Variants in DNAH11 observed in about 807,000 individuals in gnomAD.
The protein encoded by DNAH11 is dynein axonemal heavy chain 11.
A neutral mutation model predicts 526.0 loss-of-function variants in DNAH11; 442 were observed. The observed-to-expected ratio is 0.84, with a 90% confidence interval of 0.78 to 0.91. The LOEUF (loss-of-function observed/expected upper bound fraction) is 0.91. Among genes scored for constraint, DNAH11 ranks in the 40% least tolerant of loss-of-function variants. The probability of loss-of-function intolerance (pLI) is 0.00; values close to 1 mark genes in which losing one functional copy is unlikely to be tolerated. For missense variants in DNAH11, 6,989 were observed against 5,448.7 expected (o/e 1.28, Z -8.90); for synonymous variants, 2,461 against 1,935.9 (o/e 1.27, Z -7.12).
chr7:21,888,857 A>G (rs954900987), intron 76 of DNAH11, among the ~76,000 whole-genome samples: 1 of 152,096 alleles, frequency 6.6e-6, no homozygotes, highest in Non-Finnish European at 1.5e-5. Context: ...GCATGATTCT[A>G]TCGATTCTTT....
At chr7:21,708,756 G>A (rs74441180) in intron 40 of DNAH11, among the ~76,000 whole-genome samples, 3,231 of 152,132 alleles carry the variant, frequency 0.021, 151 homozygotes, top group East Asian at 0.2. Context: ...TGTTCCTGCC[G>A]TCGGCAACAC....
chr7:21,770,499 C>A (rs948919503), intron 55 of DNAH11, among the ~76,000 whole-genome samples: 2 of 152,116 alleles, frequency 1.3e-5, no homozygotes, highest in Non-Finnish European at 1.5e-5. Context: ...GATGCTCAAC[C>A]AGTTCCTGCT....
intron 48 of DNAH11, among the ~76,000 whole-genome samples, chr7:21,740,454 T>TC (rs1405308281): frequency 6.6e-6 from 1 of 152,184 alleles, no homozygotes; most frequent in South Asian, 2.1e-4. Context: ...TTTAAGTACC[T>TC]CATATACGTG....
At chr7:21,755,011 A>C (rs905577491) in intron 54 of DNAH11, among the ~76,000 whole-genome samples, 3 of 152,326 alleles carry the variant, frequency 2.0e-5, no homozygotes, top group Non-Finnish European at 4.4e-5. Context: ...CATAAGTTCC[A>C]AACCAGGCAT....
At chr7:21,784,400 G>C (rs1583691487) in intron 57 of DNAH11, 27 bp from the exon 58 acceptor site, 2 of 1,538,980 alleles carry the variant, frequency 1.3e-6, no homozygotes, top group East Asian at 4.5e-5. Flanking sequence ...ATTTATACGG[G>C]TTTGTGTGCT....
At chr7:21,638,435 T>A (rs1320397352) in intron 27 of DNAH11, among the ~76,000 whole-genome samples, 1 of 152,284 alleles carries the variant, frequency 6.6e-6, no homozygotes, top group East Asian at 1.9e-4. Flanking sequence ...TCTGCTCTGC[T>A]AAGGGCAATA....
intron 20 of DNAH11, among the ~76,000 whole-genome samples, chr7:21,610,569 C>T (rs914810251): frequency 2.0e-5 from 3 of 151,902 alleles, no homozygotes; most frequent in African/African-American, 7.3e-5. Context: ...GATAGAGATG[C>T]ATGCAAAGTT....
intron 42 of DNAH11, among the ~76,000 whole-genome samples, chr7:21,715,648 C>G (rs1050638353): frequency 1.3e-5 from 2 of 152,090 alleles, no homozygotes; most frequent in African/African-American, 4.8e-5. Context: ...GAATTGCACA[C>G]AAATGCAGCT....
chr7:21,737,782 G>A (rs1466011562), intron 46 of DNAH11, among the ~76,000 whole-genome samples: 2 of 152,304 alleles, frequency 1.3e-5, no homozygotes, highest in African/African-American at 2.4e-5. Flanking sequence ...AAGGAAAGAG[G>A]TGAATTGCGA....
intron 66 of DNAH11, 32 bp downstream of exon 66, chr7:21,842,780 G>A: frequency 1.3e-6 from 2 of 1,547,176 alleles, no homozygotes; most frequent in Non-Finnish European, 1.8e-6. Flanking sequence ...CCAACACTTA[G>A]TCGGCATTTG....
intron 72 of DNAH11, 95 bp downstream of exon 72, chr7:21,868,102 T>A (rs1219519131): frequency 3.0e-6 from 3 of 1,000,046 alleles, no homozygotes; most frequent in Non-Finnish European, 3.8e-6. Flanking sequence ...TGATCTTAGT[T>A]TCTTTTTTTT....
At chr7:21,731,389 G>C (rs1217180406) in intron 45 of DNAH11, among the ~76,000 whole-genome samples, 2 of 151,950 alleles carry the variant, frequency 1.3e-5, no homozygotes. Context: ...TGTTGTTCCT[G>C]ACAACAACCA....
At chr7:21,814,920 G>C (rs533864710) in intron 63 of DNAH11, among the ~76,000 whole-genome samples, 25 of 152,004 alleles carry the variant, frequency 1.6e-4, no homozygotes, top group Non-Finnish European at 3.7e-4. Context: ...TGGTTATTTG[G>C]ACACAATACT....
intron 56 of DNAH11, among the ~76,000 whole-genome samples, chr7:21,775,442 C>A (rs984527085): frequency 7.9e-5 from 12 of 151,924 alleles, no homozygotes; most frequent in African/African-American, 2.7e-4. Flanking sequence ...CAAAATGAGA[C>A]CCAATCTCTA....
chr7:21,776,793 T>C (rs1541357), intron 56 of DNAH11, among the ~76,000 whole-genome samples: 111,743 of 152,112 alleles, frequency 0.73, 41,413 homozygotes, highest in East Asian at 0.84. Context: ...CAGAAGAAAT[T>C]ACAAAGCATA....
intron 44 of DNAH11, 117 bp from the exon 45 acceptor site, chr7:21,725,694 G>A (rs1785069229): frequency 1.0e-6 from 1 of 960,326 alleles, no homozygotes. Flanking sequence ...TGTGCTTGAT[G>A]GGTATATGGC....
intron 56 of DNAH11, among the ~76,000 whole-genome samples, chr7:21,774,264 G>A (rs906048553): frequency 4.6e-5 from 7 of 152,096 alleles, no homozygotes; most frequent in African/African-American, 1.7e-4. Context: ...CAGACACAGC[G>A]GATTGCCTCT....
intron 77 of DNAH11, 119 bp downstream of exon 77, chr7:21,892,786 C>T: frequency 2.6e-6 from 3 of 1,149,742 alleles, no homozygotes; most frequent in Non-Finnish European, 3.6e-6. Flanking sequence ...CATACAACCA[C>T]CACCTAGATC....
At chr7:21,645,472 A>C (rs1333925957) in intron 28 of DNAH11, among the ~76,000 whole-genome samples, 1 of 152,216 alleles carries the variant, frequency 6.6e-6, no homozygotes, top group Non-Finnish European at 1.5e-5. Context: ...GACATTTGAT[A>C]ATTCATAGAT....
Sources: gnomAD v4.1 joint callset for allele counts (sites outside exome capture counted in the v4.1 genomes callset) on GRCh38, gnomAD v4.1.1 for gene constraint, MANE v1.5 for transcripts, NCBI Gene and HGNC (gene_info 2026-07-23, HGNC 2026-07-21) for gene names.